The following TASP1 variants were observed in gnomAD, a reference collection of about 807,000 sequenced individuals.
TASP1 encodes threonine aspartase 1.
Under a neutral mutation model 56.6 loss-of-function variants are expected in TASP1, and 16 were observed. The observed-to-expected ratio is 0.28, with a 90% confidence interval of 0.19 to 0.43. The LOEUF is 0.43. Among genes scored for constraint, TASP1 ranks in the 20% least tolerant of loss-of-function variants. The pLI, the probability that TASP1 is intolerant of heterozygous loss-of-function variation, is 1.00. For synonymous variants in TASP1, 179 were observed against 184.2 expected (o/e 0.97, Z 0.23); for missense variants, 393 against 511.6 (o/e 0.77, Z 2.24).
chr20:13,390,322 G>T lies in TASP1; in HGVS notation c.*38C>A. 6.3e-7 allele frequency: 1 copy of T among 1,583,150 alleles called. No homozygotes were observed. Among genetic ancestry groups the T allele is most frequent in the South Asian group, 1.1e-5 (1 of 89,342 alleles). On this transcript the variant is annotated 3_prime_UTR_variant, in exon 14 of 14. Transcript: ENST00000337743. ...AAAAACCCCCAAAAGCTCAGGTTCT[G>T]AAATGCCTCTGAGACGCTTCACACT...
chr20:13,480,923 T>C (rs2043117429), intron 11 of TASP1, among the ~76,000 whole-genome samples: 1 of 152,094 alleles, frequency 6.6e-6, no homozygotes, highest in South Asian at 2.1e-4. Flanking sequence ...AGGGTATCCA[T>C]CCCTCAAGCA....
At chr20:13,590,377 T>C (rs148046990) in intron 4 of TASP1, among the ~76,000 whole-genome samples, 1,690 of 152,246 alleles carry the variant, frequency 0.011, 33 homozygotes, top group Admixed American at 0.046. Flanking sequence ...TGTACGGACA[T>C]GCAAGTAAGC....
At chr20:13,259,709 T>C in the TASP1 span, among the ~76,000 whole-genome samples, 2 of 152,348 alleles carry the variant, frequency 1.3e-5, no homozygotes, top group East Asian at 3.9e-4. Context: ...CATTTCTATA[T>C]CTACAGAATG....
At chr20:13,297,088 T>A in the TASP1 span, among the ~76,000 whole-genome samples, 13 of 152,146 alleles carry the variant, frequency 8.5e-5, no homozygotes, top group Admixed American at 7.9e-4. Flanking sequence ...ACAAGCAGTT[T>A]TTGAGGCAAA....
At chr20:13,378,540 T>C in the TASP1 span, among the ~76,000 whole-genome samples, 1 of 152,166 alleles carries the variant, frequency 6.6e-6, no homozygotes, top group Non-Finnish European at 1.5e-5. Context: ...TTGCGAAGAT[T>C]GTCTATTCTG....
the TASP1 span, among the ~76,000 whole-genome samples, chr20:13,286,893 T>C: frequency 1.3e-5 from 2 of 152,238 alleles, no homozygotes. Flanking sequence ...GGCATGCCTT[T>C]AGCTCCACGC....
intron 10 of TASP1, among the ~76,000 whole-genome samples, chr20:13,498,114 G>A (rs915692577): frequency 6.6e-6 from 1 of 151,982 alleles, no homozygotes; most frequent in Non-Finnish European, 1.5e-5. Flanking sequence ...AAATTGACAA[G>A]AGGGATCCAA....
intron 4 of TASP1, among the ~76,000 whole-genome samples, chr20:13,601,370 T>C (rs1189776426): frequency 1.3e-5 from 2 of 151,422 alleles, no homozygotes; most frequent in Non-Finnish European, 2.9e-5. Context: ...ATGATGGGGA[T>C]ATATCAAAGG....
chr20:13,436,953 T>G (rs927958239), intron 11 of TASP1, among the ~76,000 whole-genome samples: 2 of 152,176 alleles, frequency 1.3e-5, no homozygotes, highest in Non-Finnish European at 2.9e-5. Context: ...CTAGGATTAT[T>G]AGTTGTTTTA....
the TASP1 span, among the ~76,000 whole-genome samples, chr20:13,265,785 C>T: frequency 6.6e-6 from 1 of 152,138 alleles, no homozygotes; most frequent in East Asian, 1.9e-4. Flanking sequence ...CAAGAGGGCA[C>T]ATTGCTACTG....
chr20:13,435,187 T>A, intron 11 of TASP1, 33 bp from the exon 12 acceptor site: 1 of 1,454,218 alleles, frequency 6.9e-7, no homozygotes, highest in Non-Finnish European at 9.3e-7. Context: ...TATTTTTCAG[T>A]GAATTTTACT....
At chr20:13,291,173 G>A in the TASP1 span, among the ~76,000 whole-genome samples, 8 of 152,290 alleles carry the variant, frequency 5.3e-5, no homozygotes, top group East Asian at 1.9e-4. Context: ...CTGTCACCGC[G>A]GAGAGCAGTG....
chr20:13,177,020 A>G, the TASP1 span, among the ~76,000 whole-genome samples: 1 of 152,090 alleles, frequency 6.6e-6, no homozygotes, highest in African/African-American at 2.4e-5. Flanking sequence ...CAGGTGAATC[A>G]CTTGAGGTCA....
chr20:13,548,043 G>A (rs1269771546), intron 8 of TASP1, among the ~76,000 whole-genome samples: 1 of 152,180 alleles, frequency 6.6e-6, no homozygotes, highest in Non-Finnish European at 1.5e-5. Context: ...AATCACAGGT[G>A]TGAAGACCTT....
intron 11 of TASP1, among the ~76,000 whole-genome samples, chr20:13,482,476 A>C (rs2043175837): frequency 6.6e-6 from 1 of 152,150 alleles, no homozygotes; most frequent in Admixed American, 6.5e-5. Flanking sequence ...ATTGCATTGA[A>C]TCTTTGGACT....
chr20:13,528,042 C>A (rs1439557583), intron 10 of TASP1, among the ~76,000 whole-genome samples: 1 of 151,428 alleles, frequency 6.6e-6, no homozygotes, highest in African/African-American at 2.4e-5. Context: ...GCCAACATGG[C>A]AAAACCCTGT....
intron 4 of TASP1, among the ~76,000 whole-genome samples, chr20:13,612,078 G>A (rs993142755): frequency 6.6e-6 from 1 of 152,062 alleles, no homozygotes; most frequent in Non-Finnish European, 1.5e-5. Context: ...TGACACAAAT[G>A]ACAGTCCTAA....
rs2044203396 is a variant in TASP1, at chr20:13,508,296, A to G, written c.874+20137T>C. On this transcript the variant is annotated intron_variant, in intron 10 of 13. Coordinates refer to ENST00000337743, the MANE Select transcript of TASP1 (RefSeq NM_017714.3). Reference sequence around the variant, plus strand: ...TTTCTGCACAGCAAAGGAGACAATCAACAAAATGAAAGCAATCCATTGAAT... The same window carrying G: ...TTTCTGCACAGCAAAGGAGACAATCGACAAAATGAAAGCAATCCATTGAAT... 1.3e-5 allele frequency among the ~76,000 whole-genome samples: 2 copies of G among 152,160 alleles called. 1 individual carries two copies. Among genetic ancestry groups the G allele is most frequent in the South Asian group, 4.1e-4 (2 of 4,828 alleles).
intron 13 of TASP1, among the ~76,000 whole-genome samples, chr20:13,406,917 T>C (rs751216992): frequency 1.9e-4 from 29 of 152,068 alleles, no homozygotes; most frequent in Non-Finnish European, 3.5e-4. Context: ...CTGCCCGCCT[T>C]GGCCTCCCAA....
Sources: gnomAD v4.1 joint callset for allele counts (sites outside exome capture counted in the v4.1 genomes callset) on GRCh38, gnomAD v4.1.1 for gene constraint, MANE v1.5 for transcripts, NCBI Gene and HGNC (gene_info 2026-07-23, HGNC 2026-07-21) for gene names.